The following GLRX3 variants were observed in gnomAD, a reference collection of about 807,000 sequenced individuals.
GLRX3 encodes the protein glutaredoxin 3, also known as glutaredoxin-3.
Under a neutral mutation model 49.5 loss-of-function variants are expected in GLRX3, and 22 were observed. That is an observed-to-expected ratio of 0.44 (90% CI 0.32 to 0.63). The LOEUF is 0.63. Ranked by LOEUF, GLRX3 falls within the 30% of genes least tolerant of loss-of-function variation. The probability of loss-of-function intolerance (pLI) is 0.05; values close to 1 mark genes in which losing one functional copy is unlikely to be tolerated. For synonymous variants in GLRX3, 133 were observed against 140.0 expected (o/e 0.95, Z 0.35); for missense variants, 385 against 396.3 (o/e 0.97, Z 0.24).
rs531360699 is a variant in GLRX3, at chr10:130,151,375, T to A, written c.201+6056T>A. On this transcript the variant is annotated intron_variant, in intron 2 of 10. Transcript: ENST00000331244. The stretch of plus-strand genomic sequence containing the variant: ...TAAAGAAGTTATCAAAACTTTTTTT[T>A]AAAATTATTATTATACTTTAAATTC... 1.6e-3 allele frequency among the ~76,000 whole-genome samples: 250 copies of A among 152,326 alleles called. 1 individual carries two copies. The highest frequency in any genetic ancestry group is 0.014 in the South Asian group (68 of 4,830).
chr10:130,155,062 TC>T (rs1206809084), intron 2 of GLRX3, among the ~76,000 whole-genome samples: 1 of 151,972 alleles, frequency 6.6e-6, no homozygotes, highest in African/African-American at 2.4e-5. Flanking sequence ...GCCCCAAACT[TC>T]CGAGCTCAAG....
At chr10:130,153,019 C>G (rs947617689) in intron 2 of GLRX3, among the ~76,000 whole-genome samples, 1 of 152,120 alleles carries the variant, frequency 6.6e-6, no homozygotes, top group African/African-American at 2.4e-5. Flanking sequence ...CTTTTTTGCT[C>G]TAATCTTGTC....
At chr10:130,177,873 G>A (rs1421920336) in intron 10 of GLRX3, among the ~76,000 whole-genome samples, 1 of 152,208 alleles carries the variant, frequency 6.6e-6, no homozygotes, top group African/African-American at 2.4e-5. Flanking sequence ...GCTGTTCAGT[G>A]ATAACCTGAA....
intron 4 of GLRX3, among the ~76,000 whole-genome samples, chr10:130,165,182 A>G (rs1186050988): frequency 6.6e-6 from 1 of 152,256 alleles, no homozygotes; most frequent in Non-Finnish European, 1.5e-5. Flanking sequence ...TAAGTCTTAT[A>G]GAAATTTTGA....
rs531558613 is a variant in GLRX3 at position 130,171,640 on chromosome 10, T to A, written c.824+4T>A. 1 of 1,438,860 alleles carries A rather than the reference T, an allele frequency of 6.9e-7. No homozygotes were observed. The highest frequency in any genetic ancestry group is 2.3e-5 in the East Asian group (1 of 44,080). The allele number at this position is 1,438,860 out of a possible 1,614,324, so 89.1% of individuals were successfully genotyped here. A position where few individuals can be genotyped will look rare whatever the true frequency, so the allele number is the denominator to read the frequency against. Reference sequence around the variant, plus strand: ...TGGAAATACTAAATAGTACTGGGTATGTAAATGTTGTTTTCAAATGGTGTA... The same window carrying A: ...TGGAAATACTAAATAGTACTGGGTAAGTAAATGTTGTTTTCAAATGGTGTA... On this transcript the variant is annotated splice_donor_region_variant and intron_variant, in intron 8 of 10. Coordinates refer to ENST00000331244, the MANE Select transcript of GLRX3 (RefSeq NM_006541.5).
chr10:130,164,901 A>G (rs1462929242), intron 4 of GLRX3, among the ~76,000 whole-genome samples: 2 of 152,254 alleles, frequency 1.3e-5, no homozygotes, highest in African/African-American at 2.4e-5. Flanking sequence ...TCCCAGATGA[A>G]TAAAAAAATT....
Position 130,160,895 on chromosome 10 carries a change from A to C in GLRX3, c.376A>C (p.Asn126His), listed in dbSNP as rs778724178. Residue 126 changes from asparagine to histidine, a missense_variant, in exon 4 of 11, where the codon AAT (asparagine) becomes CAT (histidine). Transcript: ENST00000331244. ...ASSGSFLPSA[N>H]EHLKEDLNLR... is the part of the protein sequence containing the mutation. The stretch of plus-strand genomic sequence containing the variant: ...TAGTGGCTCCTTCCTACCCAGCGCT[A>C]ATGAACATCTTAAAGAAGATCTCAA... 1.2e-5 allele frequency: 20 copies of C among 1,612,352 alleles called. No homozygotes were observed. In the East Asian group the frequency reaches 4.2e-4, roughly 34 times the overall value.
chr10:130,153,492 A>ATCC (rs1437220515), intron 2 of GLRX3, among the ~76,000 whole-genome samples: 1 of 152,004 alleles, frequency 6.6e-6, no homozygotes, highest in Non-Finnish European at 1.5e-5. Context: ...CTGTGTGGAT[A>ATCC]TCCTTTTTGT....
intron 1 of GLRX3, among the ~76,000 whole-genome samples, chr10:130,138,348 C>A (rs542782118): frequency 1.3e-5 from 2 of 152,148 alleles, no homozygotes; most frequent in African/African-American, 4.8e-5. Context: ...CTTGAGCCCC[C>A]GTGACCTGCC....
chr10:130,177,524 C>G (rs1335354628), intron 10 of GLRX3, among the ~76,000 whole-genome samples: 3 of 152,190 alleles, frequency 2.0e-5, no homozygotes, highest in Admixed American at 6.5e-5. Context: ...GAGCAGAATT[C>G]TTCTTAGTCA....
intron 4 of GLRX3, among the ~76,000 whole-genome samples, chr10:130,164,904 A>C (rs934478409): frequency 6.6e-6 from 1 of 152,252 alleles, no homozygotes; most frequent in Non-Finnish European, 1.5e-5. Flanking sequence ...CAGATGAATA[A>C]AAAAATTTCA....
At chr10:130,140,823 C>T (rs1862159115) in intron 1 of GLRX3, among the ~76,000 whole-genome samples, 1 of 152,042 alleles carries the variant, frequency 6.6e-6, no homozygotes, top group South Asian at 2.1e-4. Flanking sequence ...TTTCTTATGA[C>T]CATTTAAAAA....
intron 2 of GLRX3, among the ~76,000 whole-genome samples, chr10:130,155,438 T>G (rs557202860): frequency 1.3e-5 from 2 of 152,324 alleles, no homozygotes; most frequent in African/African-American, 4.8e-5. Context: ...AGGAGGCTCC[T>G]AGGCCAGGTG....
chr10:130,161,761 C>CT (rs754507663), intron 4 of GLRX3, among the ~76,000 whole-genome samples: 35 of 152,258 alleles, frequency 2.3e-4, no homozygotes, highest in South Asian at 6.2e-4. Flanking sequence ...TGTTGAGACT[C>CT]TAAGAGTATT....
chr10:130,174,117 G>A (rs1862868321), intron 8 of GLRX3, among the ~76,000 whole-genome samples: 1 of 152,226 alleles, frequency 6.6e-6, no homozygotes, highest in African/African-American at 2.4e-5. Context: ...TACAAGTAAT[G>A]TTCATTGTAT....
chr10:130,146,922 C>G (rs1004169629), intron 2 of GLRX3, among the ~76,000 whole-genome samples: 16 of 152,188 alleles, frequency 1.1e-4, no homozygotes, highest in Non-Finnish European at 2.1e-4. Context: ...AGGCATTATA[C>G]TCAGTTGGCT....
chr10:130,169,328 C>G (rs1424605918), intron 6 of GLRX3, 105 bp from the exon 7 acceptor site: 20 of 741,450 alleles, frequency 2.7e-5, no homozygotes, highest in Admixed American at 7.8e-5. Context: ...AAGCTGTGAA[C>G]TGTCATCCTG....
At chr10:130,169,643 A>C (rs1176888216) in intron 7 of GLRX3, among the ~76,000 whole-genome samples, 153 bp downstream of exon 7, 2 of 151,270 alleles carry the variant, frequency 1.3e-5, no homozygotes, top group African/African-American at 2.5e-5. Context: ...ACGGAGATCA[A>C]ACAAAGTAAT....
At chr10:130,139,900 G>A (rs1054587786) in intron 1 of GLRX3, among the ~76,000 whole-genome samples, 1 of 152,220 alleles carries the variant, frequency 6.6e-6, no homozygotes, top group African/African-American at 2.4e-5. Context: ...CTGTACTCCA[G>A]CCTGGGTGAC....
Sources: gnomAD v4.1 joint callset for allele counts (sites outside exome capture counted in the v4.1 genomes callset) on GRCh38, gnomAD v4.1.1 for gene constraint, MANE v1.5 for transcripts, NCBI Gene and HGNC (gene_info 2026-07-23, HGNC 2026-07-21) for gene names.